Variants in SPAG16 observed in about 807,000 individuals in gnomAD.
SPAG16 encodes the protein sperm associated antigen 16.
A neutral mutation model predicts 80.4 loss-of-function variants in SPAG16; 86 were observed. That is an observed-to-expected ratio of 1.07 (90% CI 0.90 to 1.28). SPAG16 has a LOEUF of 1.28. SPAG16 is among the 50% of genes most tolerant of loss of function. The probability of loss-of-function intolerance (pLI) is 0.00; values close to 1 mark genes in which losing one functional copy is unlikely to be tolerated. For synonymous variants in SPAG16, 294 were observed against 265.9 expected, an observed-to-expected ratio of 1.11 and a Z score of -1.03; for missense variants, 870 against 765.3, an observed-to-expected ratio of 1.14 and a Z score of -1.61.
At chr2:213,913,843 G>T (rs1030892224) in intron 11 of SPAG16, among the ~76,000 whole-genome samples, 2 of 152,124 alleles carry the variant, frequency 1.3e-5, no homozygotes, top group Non-Finnish European at 2.9e-5. Flanking sequence ...ATCCAGGGAA[G>T]AGTAGATGTC....
At chr2:213,613,377 C>T (rs2061498689) in intron 10 of SPAG16, among the ~76,000 whole-genome samples, 1 of 152,178 alleles carries the variant, frequency 6.6e-6, no homozygotes, top group Admixed American at 6.5e-5. Context: ...AGCCCTGTTG[C>T]TCTCTGACCT....
chr2:214,195,192 C>T (rs898220749), intron 15 of SPAG16, among the ~76,000 whole-genome samples: 8 of 151,586 alleles, frequency 5.3e-5, no homozygotes, highest in African/African-American at 1.9e-4. Flanking sequence ...TGTATAAAAG[C>T]CCTAAGGGTG....
intron 9 of SPAG16, among the ~76,000 whole-genome samples, chr2:213,388,169 C>T (rs2067549515): frequency 6.6e-6 from 1 of 152,172 alleles, no homozygotes; most frequent in South Asian, 2.1e-4. Context: ...TCCAGGAGTA[C>T]CTTGCAGGAG....
intron 10 of SPAG16, among the ~76,000 whole-genome samples, chr2:213,495,595 T>C (rs927283524): frequency 6.6e-6 from 1 of 152,162 alleles, no homozygotes; most frequent in Non-Finnish European, 1.5e-5. Flanking sequence ...AAGGAAGAGG[T>C]AATAAGCCAA....
intron 7 of SPAG16, among the ~76,000 whole-genome samples, chr2:213,359,539 C>G (rs2065859773): frequency 6.6e-6 from 1 of 152,224 alleles, no homozygotes; most frequent in Admixed American, 6.5e-5. Flanking sequence ...GACTACAGTG[C>G]TAGCAGTGAG....
At chr2:213,296,910 T>G (rs972400921) in intron 2 of SPAG16, 20 of 378,914 alleles carry the variant, frequency 5.3e-5, no homozygotes, top group African/African-American at 4.4e-4. Flanking sequence ...CAGTTGCTAG[T>G]AGTTCTGAAA....
At chr2:213,692,737 G>C (rs1425378091) in intron 10 of SPAG16, among the ~76,000 whole-genome samples, 1 of 151,684 alleles carries the variant, frequency 6.6e-6, no homozygotes, top group Non-Finnish European at 1.5e-5. Flanking sequence ...GTGAACCCGG[G>C]AGGCGGAGCT....
intron 15 of SPAG16, among the ~76,000 whole-genome samples, chr2:214,249,073 T>C (rs976434257): frequency 6.6e-5 from 10 of 152,136 alleles, no homozygotes; most frequent in African/African-American, 2.4e-4. Flanking sequence ...GCCCACAGAT[T>C]GATAGCACCC....
At chr2:213,598,359 A>G (rs2060950409) in intron 10 of SPAG16, among the ~76,000 whole-genome samples, 1 of 152,224 alleles carries the variant, frequency 6.6e-6, no homozygotes, top group East Asian at 1.9e-4. Context: ...TTTTACCTAT[A>G]CAGTGAGTAG....
At chr2:213,909,654 T>A (rs1266379032) in intron 11 of SPAG16, among the ~76,000 whole-genome samples, 1 of 152,124 alleles carries the variant, frequency 6.6e-6, no homozygotes, top group African/African-American at 2.4e-5. Flanking sequence ...TAAATGGTGC[T>A]GGGAAAACTG....
intron 10 of SPAG16, among the ~76,000 whole-genome samples, chr2:213,725,133 G>A (rs2066708526): frequency 6.6e-6 from 1 of 151,926 alleles, no homozygotes; most frequent in African/African-American, 2.4e-5. Context: ...CCTGAGCTCA[G>A]GTGATACTCC....
intron 10 of SPAG16, among the ~76,000 whole-genome samples, chr2:213,806,315 C>A (rs911616501): frequency 3.3e-5 from 5 of 152,052 alleles, no homozygotes; most frequent in African/African-American, 9.7e-5. Context: ...AATTCTGCCA[C>A]CAGATGGCAG....
intron 10 of SPAG16, among the ~76,000 whole-genome samples, chr2:213,742,945 C>T (rs775395883): frequency 2.0e-5 from 3 of 151,860 alleles, no homozygotes; most frequent in African/African-American, 7.3e-5. Flanking sequence ...GCTCTGTCGC[C>T]CAGGCTGGAG....
chr2:214,354,997 C>A, intron 15 of SPAG16, among the ~76,000 whole-genome samples: 1 of 152,112 alleles, frequency 6.6e-6, no homozygotes. Context: ...TTATTTCCTT[C>A]TCCTGCCTAA....
At chr2:214,091,689 C>A (rs1489867419) in intron 13 of SPAG16, among the ~76,000 whole-genome samples, 1 of 152,016 alleles carries the variant, frequency 6.6e-6, no homozygotes, top group African/African-American at 2.4e-5. Flanking sequence ...ATTGGATATT[C>A]TCTCTTGTTT....
intron 10 of SPAG16, among the ~76,000 whole-genome samples, chr2:213,540,029 A>ATTTTTTTT (rs58117443): frequency 1.1e-4 from 12 of 110,814 alleles, no homozygotes; most frequent in Non-Finnish European, 1.3e-4. Flanking sequence ...ATATTTCTTA[A>ATTTTTTTT]TTTTTTTTTT....
At chr2:213,631,926 A>G (rs1477002947) in intron 10 of SPAG16, among the ~76,000 whole-genome samples, 2 of 151,994 alleles carry the variant, frequency 1.3e-5, no homozygotes, top group Non-Finnish European at 2.9e-5. Context: ...TGATTCCTCC[A>G]GTTTTGTTCT....
chr2:214,408,856 G>C (rs73987316), intron 15 of SPAG16, among the ~76,000 whole-genome samples: 2,821 of 152,048 alleles, frequency 0.019, 85 homozygotes, highest in African/African-American at 0.064. Context: ...AAGTTACTTC[G>C]CCTTTCCAAG....
chr2:213,780,181 A>G (rs1195731819), intron 10 of SPAG16, among the ~76,000 whole-genome samples: 1 of 151,892 alleles, frequency 6.6e-6, no homozygotes, highest in Non-Finnish European at 1.5e-5. Context: ...CTCATCCTGC[A>G]CTCCACCCTC....
Sources: gnomAD v4.1 joint callset for allele counts (sites outside exome capture counted in the v4.1 genomes callset) on GRCh38, gnomAD v4.1.1 for gene constraint, MANE v1.5 for transcripts, NCBI Gene and HGNC (gene_info 2026-07-23, HGNC 2026-07-21) for gene names.